The following PDE4B variants were observed in gnomAD, a reference collection of about 807,000 sequenced individuals.
The protein encoded by PDE4B is phosphodiesterase 4B.
A neutral mutation model predicts 82.2 loss-of-function variants in PDE4B; 20 were observed. That is an observed-to-expected ratio of 0.24 (90% CI 0.17 to 0.35). The LOEUF (loss-of-function observed/expected upper bound fraction) is 0.35, where lower values mean the gene tolerates loss of function less well. PDE4B is among the 10% of genes least tolerant of loss of function. The probability of loss-of-function intolerance (pLI) is 1.00; values close to 1 mark genes in which losing one functional copy is unlikely to be tolerated. For synonymous variants in PDE4B, 320 were observed against 318.9 expected (o/e 1.00, Z -0.04); for missense variants, 655 against 907.2 (o/e 0.72, Z 3.57).
intron 5 of PDE4B, 37 bp from the exon 6 acceptor site, chr1:66,257,756 C>A (rs1008332266): frequency 2.5e-6 from 4 of 1,609,464 alleles, no homozygotes; most frequent in Non-Finnish European, 3.4e-6. Flanking sequence ...CATTTGTCTT[C>A]TTTTGTCCTT....
chr1:66,273,936 CTT>C (rs1655687391), intron 7 of PDE4B, among the ~76,000 whole-genome samples: 1 of 152,220 alleles, frequency 6.6e-6, no homozygotes, highest in African/African-American at 2.4e-5. Flanking sequence ...GAAGTGAACT[CTT>C]TGTTATCCAT....
chr1:66,204,080 C>T (rs1649302930), intron 3 of PDE4B, among the ~76,000 whole-genome samples: 1 of 152,216 alleles, frequency 6.6e-6, no homozygotes, highest in Non-Finnish European at 1.5e-5. Flanking sequence ...GGACCCTCAG[C>T]TGCAGGTCTG....
intron 3 of PDE4B, among the ~76,000 whole-genome samples, chr1:66,091,092 G>A (rs1645014216): frequency 6.6e-6 from 1 of 151,922 alleles, no homozygotes; most frequent in African/African-American, 2.4e-5. Context: ...CTATGTGATG[G>A]CCTTTCAGAC....
At chr1:66,045,382 T>G (rs548884824) in intron 3 of PDE4B, among the ~76,000 whole-genome samples, 1 of 151,790 alleles carries the variant, frequency 6.6e-6, no homozygotes, top group South Asian at 2.1e-4. Flanking sequence ...GAGCTAATGC[T>G]GATTCCCAAA....
At chr1:66,107,446 AT>A (rs1308129603) in intron 3 of PDE4B, among the ~76,000 whole-genome samples, 1 of 151,888 alleles carries the variant, frequency 6.6e-6, no homozygotes, top group Non-Finnish European at 1.5e-5. Context: ...GAGCTTAAAA[AT>A]TGTTTTGATT....
intron 1 of PDE4B, among the ~76,000 whole-genome samples, chr1:65,910,009 C>T (rs1647072116): frequency 6.6e-6 from 1 of 152,166 alleles, no homozygotes; most frequent in African/African-American, 2.4e-5. Flanking sequence ...GGTTAATAGT[C>T]TTGGTTTTAG....
At chr1:66,307,323 A>G (rs1346526077) in intron 7 of PDE4B, among the ~76,000 whole-genome samples, 2 of 152,152 alleles carry the variant, frequency 1.3e-5, no homozygotes, top group Non-Finnish European at 2.9e-5. Flanking sequence ...CATGGAGAGC[A>G]AGAGGGTAAA....
At chr1:65,965,632 A>G (rs1470910317) in intron 3 of PDE4B, among the ~76,000 whole-genome samples, 1 of 152,106 alleles carries the variant, frequency 6.6e-6, no homozygotes, top group Non-Finnish European at 1.5e-5. Context: ...AATATTATCA[A>G]CCAGGAGGGT....
chr1:66,342,868 A>G (rs549517542), intron 8 of PDE4B, among the ~76,000 whole-genome samples: 1 of 152,170 alleles, frequency 6.6e-6, no homozygotes, highest in Non-Finnish European at 1.5e-5. Context: ...ACACGGAGAA[A>G]CCCTGTCTCT....
At chr1:66,014,243 G>A (rs1338611717) in intron 3 of PDE4B, among the ~76,000 whole-genome samples, 1 of 152,010 alleles carries the variant, frequency 6.6e-6, no homozygotes, top group Non-Finnish European at 1.5e-5. Context: ...CTGTGGACTG[G>A]CTTTTCACTA....
chr1:66,078,963 A>G (rs1225023698), intron 3 of PDE4B, among the ~76,000 whole-genome samples: 1 of 152,126 alleles, frequency 6.6e-6, no homozygotes, highest in Non-Finnish European at 1.5e-5. Flanking sequence ...CCACTCATCA[A>G]TTCCCTTATT....
intron 3 of PDE4B, among the ~76,000 whole-genome samples, chr1:66,156,973 T>C (rs1646513697): frequency 6.6e-6 from 1 of 152,116 alleles, no homozygotes; most frequent in Non-Finnish European, 1.5e-5. Context: ...AGCTGATGGC[T>C]CCCAATTTCT....
At chr1:65,970,876 G>A (rs187906797) in intron 3 of PDE4B, among the ~76,000 whole-genome samples, 10 of 152,030 alleles carry the variant, frequency 6.6e-5, no homozygotes, top group East Asian at 1.9e-4. Flanking sequence ...TGAGGTGTGC[G>A]GTGCAGTAGC....
chr1:65,953,536 A>C (rs922996328), intron 3 of PDE4B, among the ~76,000 whole-genome samples: 1 of 152,110 alleles, frequency 6.6e-6, no homozygotes, highest in African/African-American at 2.4e-5. Context: ...GGTAGTGGGC[A>C]GTCTCTAGAA....
At chr1:66,312,495 A>T (rs1485588219) in intron 7 of PDE4B, among the ~76,000 whole-genome samples, 1 of 152,132 alleles carries the variant, frequency 6.6e-6, no homozygotes, top group Non-Finnish European at 1.5e-5. Flanking sequence ...TGTGACACTA[A>T]ATCTTCTGCT....
intron 8 of PDE4B, among the ~76,000 whole-genome samples, chr1:66,342,324 T>C (rs772859746): frequency 6.6e-6 from 1 of 152,100 alleles, no homozygotes; most frequent in Non-Finnish European, 1.5e-5. Flanking sequence ...GTATATAATG[T>C]AAGAAATTAA....
chr1:65,911,139 C>T (rs1410132207), intron 1 of PDE4B, among the ~76,000 whole-genome samples: 3 of 152,092 alleles, frequency 2.0e-5, no homozygotes, highest in African/African-American at 7.2e-5. Context: ...ATTTCCATGG[C>T]TAAGACCTTA....
intron 3 of PDE4B, among the ~76,000 whole-genome samples, chr1:66,165,053 G>A (rs930850294): frequency 1.3e-5 from 2 of 151,994 alleles, no homozygotes; most frequent in African/African-American, 2.4e-5. Flanking sequence ...AAGCCACCAC[G>A]CCTGGCCACT....
intron 1 of PDE4B, among the ~76,000 whole-genome samples, chr1:65,877,502 C>T (rs1462781739): frequency 6.6e-6 from 1 of 151,954 alleles, no homozygotes; most frequent in African/African-American, 2.4e-5. Context: ...GTAGTCCCAG[C>T]TACTTGGGAG....
Sources: allele counts gnomAD v4.1 joint callset (sites outside exome capture counted in the v4.1 genomes callset), GRCh38; gene constraint gnomAD v4.1.1; transcripts MANE v1.5; gene names NCBI Gene and HGNC (gene_info 2026-07-23, HGNC 2026-07-21).